Variants in PCDHA2 observed in about 807,000 individuals in gnomAD.
PCDHA2 encodes the protein protocadherin alpha-2.
In PCDHA2, 58 loss-of-function variants were observed where a neutral mutation model predicts 66.0. That is an observed-to-expected ratio of 0.88 (90% CI 0.71 to 1.09). The LOEUF (loss-of-function observed/expected upper bound fraction) is 1.09. PCDHA2 is among the 50% of genes least tolerant of loss of function. The pLI, the probability that PCDHA2 is intolerant of heterozygous loss-of-function variation, is 0.00. For synonymous variants in PCDHA2, 634 were observed against 554.0 expected (o/e 1.14, Z -2.03); for missense variants, 1,267 against 1,242.3 (o/e 1.02, Z -0.30).
chr5:141,001,253 C>G (rs896546841), intron 3 of PCDHA2, among the ~76,000 whole-genome samples: 1 of 152,078 alleles, frequency 6.6e-6, no homozygotes, highest in East Asian at 1.9e-4. Context: ...CCCTATGGGG[C>G]GGGCACTCTT....
At chr5:140,797,428 T>G (rs782419018) in intron 1 of PCDHA2, 76 bp downstream of exon 1, 2 of 1,445,482 alleles carry the variant, frequency 1.4e-6, no homozygotes, top group South Asian at 2.5e-5. Flanking sequence ...TACTAGTTAT[T>G]TAGATTCATA....
chr5:140,852,094 C>A, intron 1 of PCDHA2: 2 of 907,306 alleles, frequency 2.2e-6, no homozygotes, highest in Non-Finnish European at 2.7e-6. Flanking sequence ...AATATTGTGT[C>A]AGATATTTTA....
intron 1 of PCDHA2, among the ~76,000 whole-genome samples, chr5:140,914,012 G>A (rs2153528687): frequency 6.6e-6 from 1 of 152,234 alleles, no homozygotes; most frequent in Admixed American, 6.5e-5. Context: ...CTATCTTTGA[G>A]AATGATCCAC....
chr5:140,848,483 C>A, intron 1 of PCDHA2: 1 of 1,570,024 alleles, frequency 6.4e-7, no homozygotes, highest in Non-Finnish European at 8.7e-7. Context: ...TAGAAGAAGA[C>A]TGAGTATTTG....
intron 1 of PCDHA2, chr5:140,871,278 G>A: frequency 6.2e-7 from 1 of 1,613,918 alleles, no homozygotes; most frequent in African/African-American, 1.3e-5. Context: ...GGTCGGCAAC[G>A]CCCACTGAGG....
intron 1 of PCDHA2, among the ~76,000 whole-genome samples, chr5:140,973,258 C>T (rs952911948): frequency 1.3e-5 from 2 of 152,168 alleles, no homozygotes; most frequent in African/African-American, 4.8e-5. Flanking sequence ...CTTTCAGTGG[C>T]ACCTACTTTT....
intron 1 of PCDHA2, chr5:140,821,943 G>A (rs2150112209): frequency 1.2e-6 from 2 of 1,614,184 alleles, no homozygotes; most frequent in East Asian, 4.5e-5. Context: ...TGGAGCTGGC[G>A]GAGCTGGTGC....
intron 1 of PCDHA2, chr5:140,836,292 C>T (rs1774344523): frequency 1.2e-6 from 2 of 1,613,782 alleles, no homozygotes; most frequent in Non-Finnish European, 1.7e-6. Context: ...GACACGAGCC[C>T]TAGATGAGAC....
chr5:140,815,803 A>T (rs1229333055), intron 1 of PCDHA2: 1 of 152,124 alleles, frequency 6.6e-6, no homozygotes, highest in Non-Finnish European at 1.5e-5. Flanking sequence ...TTTAACTGGG[A>T]AGGTCTTTAT....
intron 1 of PCDHA2, chr5:140,966,689 G>A (rs1002366053): frequency 2.2e-6 from 3 of 1,343,650 alleles, no homozygotes; most frequent in Non-Finnish European, 2.9e-6. Context: ...GAGCGGAGGC[G>A]GGGCCCGGGC....
At chr5:140,849,432 A>C (rs2150437335) in intron 1 of PCDHA2, 5 of 1,580,716 alleles carry the variant, frequency 3.2e-6, no homozygotes, top group African/African-American at 1.4e-5. Context: ...TTTTGAAGAA[A>C]GTAGAGCACA....
intron 3 of PCDHA2, among the ~76,000 whole-genome samples, chr5:141,008,816 C>T (rs2098391999): frequency 6.6e-6 from 1 of 152,190 alleles, no homozygotes; most frequent in African/African-American, 2.4e-5. Context: ...GCTCAATTTA[C>T]AACAGGATTC....
chr5:140,831,844 G>A (rs547068753), intron 1 of PCDHA2, among the ~76,000 whole-genome samples: 1 of 152,224 alleles, frequency 6.6e-6, no homozygotes, highest in South Asian at 2.1e-4. Context: ...TGATAGAATT[G>A]TCATAAAGCT....
intron 1 of PCDHA2, chr5:140,854,000 CAA>C (rs112540154): frequency 4.4e-4 from 155 of 351,630 alleles, no homozygotes; most frequent in Middle Eastern, 1.4e-3. Flanking sequence ...TCATCTCTGC[CAA>C]AAAAAAAAAA....
intron 1 of PCDHA2, chr5:140,803,088 A>T: frequency 6.2e-7 from 1 of 1,613,866 alleles, no homozygotes; most frequent in Non-Finnish European, 8.5e-7. Flanking sequence ...CACGGGAGAG[A>T]TCAGCACGAC....
At chr5:140,985,000 C>T (rs1237251178) in intron 3 of PCDHA2, among the ~76,000 whole-genome samples, 5 of 151,948 alleles carry the variant, frequency 3.3e-5, no homozygotes, top group Non-Finnish European at 7.4e-5. Context: ...TCCAGTGGCA[C>T]GATATCGGCT....
At chr5:140,802,430 C>A (rs1047484049) in intron 1 of PCDHA2, 3 of 1,614,204 alleles carry the variant, frequency 1.9e-6, no homozygotes, top group Non-Finnish European at 2.5e-6. Flanking sequence ...TGCTGGACAG[C>A]CCTCTGGACC....
intron 1 of PCDHA2, chr5:140,803,529 C>T: frequency 6.2e-7 from 1 of 1,614,216 alleles, no homozygotes; most frequent in African/African-American, 1.3e-5. Flanking sequence ...TAGCCTTCCT[C>T]CTTGTCCAAT....
At chr5:140,976,369 G>A (rs1464114589) in intron 1 of PCDHA2, among the ~76,000 whole-genome samples, 1 of 151,996 alleles carries the variant, frequency 6.6e-6, no homozygotes, top group Non-Finnish European at 1.5e-5. Flanking sequence ...TGGCCAACAT[G>A]GTGAAACCCC....
Sources: gnomAD v4.1 joint callset for allele counts (sites outside exome capture counted in the v4.1 genomes callset) on GRCh38, gnomAD v4.1.1 for gene constraint, MANE v1.5 for transcripts, NCBI Gene and HGNC (gene_info 2026-07-23, HGNC 2026-07-21) for gene names.